The following CORIN variants were observed in gnomAD, a reference collection of about 807,000 sequenced individuals.
The protein encoded by CORIN is atrial natriuretic peptide-converting enzyme.
In CORIN, 117 loss-of-function variants were observed where a neutral mutation model predicts 125.3. The ratio of observed to expected loss-of-function variants is 0.93; its 90% CI spans 0.80 to 1.09. CORIN has a LOEUF of 1.09. CORIN is among the 50% of genes least tolerant of loss of function. CORIN has a pLI of 0.00. For synonymous variants in CORIN, 450 were observed against 466.4 expected, an observed-to-expected ratio of 0.96 and a Z score of 0.45; for missense variants, 1,253 against 1,306.7, an observed-to-expected ratio of 0.96 and a Z score of 0.63.
chr4:47,826,401 T>G (rs1732746817), intron 1 of CORIN, among the ~76,000 whole-genome samples: 1 of 152,240 alleles, frequency 6.6e-6, no homozygotes, highest in South Asian at 2.1e-4. Context: ...GTTCTGGAGG[T>G]TGGAAGTCTG....
chr4:47,696,733 T>C (rs181653247), intron 5 of CORIN, among the ~76,000 whole-genome samples: 12 of 152,316 alleles, frequency 7.9e-5, no homozygotes, highest in Admixed American at 7.8e-4. Context: ...ATCAGCTCTT[T>C]TCAGCATTCT....
intron 5 of CORIN, among the ~76,000 whole-genome samples, chr4:47,707,277 A>G (rs1195281631): frequency 5.9e-5 from 9 of 152,218 alleles, no homozygotes; most frequent in Admixed American, 5.2e-4. Flanking sequence ...AAGAAGAGAA[A>G]AAAAAGAAAA....
chr4:47,788,145 C>T (rs1037382790), intron 2 of CORIN, among the ~76,000 whole-genome samples: 5 of 152,104 alleles, frequency 3.3e-5, no homozygotes, highest in African/African-American at 4.8e-5. Context: ...ATTGACCCAT[C>T]GATAGAAAGA....
rs370851145 is a variant in CORIN at position 47,657,452 on chromosome 4, G to A, written c.1736-3792C>T. 4.1e-5 allele frequency among the ~76,000 whole-genome samples: 6 copies of A among 147,592 alleles called. No individual in the cohort carries two copies. In the South Asian group the frequency reaches 6.4e-4, roughly 16 times the overall value. ...CGGGAGGCTGAGGCAGGAGAATGGCGAGAACCCATGAGGTGGAGCTTGCAG... is the reference window on the plus strand; with the variant it reads ...CGGGAGGCTGAGGCAGGAGAATGGCAAGAACCCATGAGGTGGAGCTTGCAG... On this transcript the variant is annotated intron_variant, in intron 12 of 21. Coordinates refer to ENST00000273857, the MANE Select transcript of CORIN (RefSeq NM_006587.4).
chr4:47,806,900 C>CA lies in CORIN; in HGVS notation c.208+2dup. 6.2e-7 allele frequency: 1 copy of CA among 1,610,270 alleles called. No homozygotes were observed. The highest frequency in any genetic ancestry group is 1.3e-5 in the African/African-American group (1 of 74,714). On this transcript the variant is annotated splice_region_variant and intron_variant, in intron 2 of 21. Coordinates refer to ENST00000273857, the MANE Select transcript of CORIN (RefSeq NM_006587.4). The stretch of plus-strand genomic sequence containing the variant: ...ATTTTTATTTAATAATGGCCTCACC[C>CA]ACCAACATAGGAAAGCAGGATCACC...
chr4:47,622,833 C>A (rs1157103516), intron 19 of CORIN, among the ~76,000 whole-genome samples: 1 of 152,000 alleles, frequency 6.6e-6, no homozygotes, highest in African/African-American at 2.4e-5. Context: ...TCACATAAGC[C>A]AATTATGTCA....
intron 5 of CORIN, among the ~76,000 whole-genome samples, chr4:47,717,296 C>T (rs903135323): frequency 3.3e-5 from 5 of 152,174 alleles, no homozygotes; most frequent in Non-Finnish European, 7.3e-5. Context: ...CTCTCACCCA[C>T]AGCTTTGACC....
intron 4 of CORIN, among the ~76,000 whole-genome samples, chr4:47,761,888 T>C (rs1205077624): frequency 6.6e-6 from 1 of 152,086 alleles, no homozygotes; most frequent in East Asian, 1.9e-4. Context: ...CCCAGCTAGC[T>C]GAGGGGCTGA....
At chr4:47,824,422 T>G (rs995433928) in intron 1 of CORIN, among the ~76,000 whole-genome samples, 3 of 152,158 alleles carry the variant, frequency 2.0e-5, no homozygotes, top group Non-Finnish European at 4.4e-5. Flanking sequence ...GGTGAGATCT[T>G]GCAGGTCCTT....
chr4:47,762,414 G>A (rs758770443), intron 4 of CORIN, among the ~76,000 whole-genome samples: 1 of 152,174 alleles, frequency 6.6e-6, no homozygotes, highest in Non-Finnish European at 1.5e-5. Flanking sequence ...GATGTTATAT[G>A]TGAATAAGTA....
intron 16 of CORIN, 140 bp downstream of exon 16, chr4:47,641,780 T>A (rs188222337): frequency 1.0e-6 from 1 of 973,032 alleles, no homozygotes; most frequent in East Asian, 2.6e-5. Context: ...TATGGTCCTC[T>A]CACCTGATTC....
intron 19 of CORIN, among the ~76,000 whole-genome samples, chr4:47,613,023 T>C (rs1177924297): frequency 1.3e-5 from 2 of 152,244 alleles, no homozygotes; most frequent in South Asian, 4.1e-4. Flanking sequence ...TATGATAATA[T>C]GTCCAGAGAT....
At chr4:47,802,411 G>T (rs534282660) in intron 2 of CORIN, among the ~76,000 whole-genome samples, 1 of 152,114 alleles carries the variant, frequency 6.6e-6, no homozygotes, top group Non-Finnish European at 1.5e-5. Flanking sequence ...AGGCCTGGAA[G>T]CATGCATCAT....
chr4:47,823,794 C>T (rs970979837), intron 1 of CORIN, among the ~76,000 whole-genome samples: 4 of 152,192 alleles, frequency 2.6e-5, no homozygotes, highest in Non-Finnish European at 5.9e-5. Flanking sequence ...GCCATGTGGG[C>T]GCCATGCTCA....
chr4:47,604,491 CAGTT>C (rs1721569887), intron 19 of CORIN, among the ~76,000 whole-genome samples: 1 of 152,214 alleles, frequency 6.6e-6, no homozygotes, highest in South Asian at 2.1e-4. Flanking sequence ...TTAACACTCT[CAGTT>C]GGATGTTTCA....
At chr4:47,777,692 G>GA (rs143712219) in intron 3 of CORIN, among the ~76,000 whole-genome samples, 1,856 of 152,282 alleles carry the variant, frequency 0.012, 51 homozygotes, top group African/African-American at 0.042. Flanking sequence ...CAGCAAAATA[G>GA]AGAATAAAAT....
intron 1 of CORIN, among the ~76,000 whole-genome samples, chr4:47,819,672 G>T (rs962553105): frequency 1.3e-5 from 2 of 152,154 alleles, no homozygotes; most frequent in African/African-American, 4.8e-5. Flanking sequence ...CTGGATAAGG[G>T]TTTCACAAGA....
chr4:47,798,118 C>T (rs1731378830), intron 2 of CORIN, among the ~76,000 whole-genome samples: 1 of 152,136 alleles, frequency 6.6e-6, no homozygotes, highest in Non-Finnish European at 1.5e-5. Flanking sequence ...ACTAAACAAC[C>T]TTTGTAGCTC....
chr4:47,686,969 T>C (rs923299372), intron 6 of CORIN, among the ~76,000 whole-genome samples: 14 of 152,190 alleles, frequency 9.2e-5, no homozygotes, highest in East Asian at 3.8e-4. Context: ...CCCCTGGTAA[T>C]TCATACTAAA....
Sources: gnomAD v4.1 joint callset for allele counts (sites outside exome capture counted in the v4.1 genomes callset) on GRCh38, gnomAD v4.1.1 for gene constraint, MANE v1.5 for transcripts, NCBI Gene and HGNC (gene_info 2026-07-23, HGNC 2026-07-21) for gene names.